CLPB: variants seen among roughly 807,000 people sequenced by gnomAD.
CLPB encodes the protein mitochondrial disaggregase.
Under a neutral mutation model 78.4 loss-of-function variants are expected in CLPB, and 40 were observed. The observed-to-expected ratio is 0.51, with a 90% CI of 0.40 to 0.66. CLPB has a LOEUF of 0.66. CLPB is among the 30% of genes least tolerant of loss of function. The probability of loss-of-function intolerance (pLI) is 0.00; values close to 1 mark genes in which losing one functional copy is unlikely to be tolerated. For missense variants in CLPB, 780 were observed against 886.9 expected (o/e 0.88, Z 1.53); for synonymous variants, 333 against 348.0 (o/e 0.96, Z 0.48).
At chr11:72,337,009 T>C in intron 5 of CLPB, 1 of 399,076 alleles carries the variant, frequency 2.5e-6, no homozygotes, top group Non-Finnish European at 4.4e-6. Context: ...TTACTCCTTT[T>C]CCTGGCCCTC....
chr11:72,320,713 T>TTA (rs935404768), intron 6 of CLPB, among the ~76,000 whole-genome samples: 6 of 152,080 alleles, frequency 3.9e-5, no homozygotes, highest in African/African-American at 9.6e-5. Context: ...TTCTTTTATT[T>TTA]TATATATATA....
chr11:72,428,387 G>A (rs575859515), intron 2 of CLPB, among the ~76,000 whole-genome samples: 2 of 152,314 alleles, frequency 1.3e-5, no homozygotes, highest in East Asian at 3.9e-4. Flanking sequence ...ACTGTGTACA[G>A]AGTAAGAGTT....
intron 2 of CLPB, among the ~76,000 whole-genome samples, chr11:72,425,456 A>C (rs1282141551): frequency 6.6e-6 from 1 of 152,142 alleles, no homozygotes; most frequent in African/African-American, 2.4e-5. Context: ...GAAGGTAGGT[A>C]ATTTGTTCCT....
At chr11:72,305,620 G>A (rs1199695721) in intron 9 of CLPB, among the ~76,000 whole-genome samples, 2 of 152,222 alleles carry the variant, frequency 1.3e-5, no homozygotes, top group Non-Finnish European at 2.9e-5. Flanking sequence ...TTGCTCCAGA[G>A]CTCTGTCCAC....
intron 9 of CLPB, chr11:72,302,724 T>G (rs1949680835): frequency 3.6e-6 from 1 of 279,590 alleles, no homozygotes; most frequent in Admixed American, 4.4e-5. Context: ...AGGGAACAAG[T>G]CTTGGTCTCT....
rs1236377175 is a variant in CLPB, at chr11:72,287,745, G to A, written c.*5622C>T. ...ACTGGCCTATTCAAACTATTTCTAG[G>A]ATCAGTGTTTGCTGGGAAATTATCC... On this transcript the variant is annotated 3_prime_UTR_variant, in exon 16 of 16. Transcript: ENST00000538039. 6.6e-6 allele frequency: 1 copy of A among 152,116 alleles called. No individual in the cohort carries two copies. Among genetic ancestry groups the A allele is most frequent in the Non-Finnish European group, 1.5e-5 (1 of 68,016 alleles). The allele number at this position is 152,116 out of a possible 1,614,324, so 9.4% of individuals were successfully genotyped here.
rs150396090 is a variant in CLPB, at chr11:72,335,403, G to A, written c.776-5599C>T. Reference sequence around the variant, plus strand: ...CTACATCTCAAACGGGTGGTCACTCGGGCTCCTCTGAATGTCCCCAGTACC... The same window carrying A: ...CTACATCTCAAACGGGTGGTCACTCAGGCTCCTCTGAATGTCCCCAGTACC... On this transcript the variant is annotated intron_variant, in intron 5 of 15. Coordinates refer to ENST00000538039, the MANE Select transcript of CLPB (RefSeq NM_001258392.3). Among the ~76,000 whole-genome samples the A allele has an allele frequency of 1.0e-3, 157 of 152,222 alleles. 1 individual carries two copies. Among genetic ancestry groups the A allele is most frequent in the African/African-American group, 3.6e-3 (151 of 41,544 alleles).
rs553790304 is a variant in CLPB at position 72,295,258 on chromosome 11, C to T, written c.1486+234G>A. ...CTGGTGTAGCTCTGTCCATTCCTGC[C>T]TGGAGCCCTCTTATCACCCAACAGA... On this transcript the variant is annotated intron_variant, in intron 12 of 15. Coordinates refer to ENST00000538039, the MANE Select transcript of CLPB (RefSeq NM_001258392.3). 8.5e-5 allele frequency among the ~76,000 whole-genome samples: 13 copies of T among 152,354 alleles called. No individual in the cohort carries two copies. In the East Asian group the frequency reaches 1.5e-3, roughly 18 times the overall value.
chr11:72,405,471 C>T (rs889052955), intron 2 of CLPB, among the ~76,000 whole-genome samples: 5 of 152,112 alleles, frequency 3.3e-5, no homozygotes, highest in East Asian at 1.9e-4. Context: ...ATCAGGTGTT[C>T]GCAGCCCCCA....
chr11:72,286,986 A>G lies in CLPB; in HGVS notation c.*6381T>C, dbSNP rs1277124273. On this transcript the variant is annotated 3_prime_UTR_variant, in exon 16 of 16. Coordinates refer to ENST00000538039, the MANE Select transcript of CLPB (RefSeq NM_001258392.3). ...ACACTAGCACTCTCTAGACATTTAA[A>G]TAACATTTAAGTTCTTGATGTAATA... 1 of 152,230 alleles carries G rather than the reference A, an allele frequency of 6.6e-6. No individual in the cohort carries two copies. Among genetic ancestry groups the G allele is most frequent in the Non-Finnish European group, 1.5e-5 (1 of 68,048 alleles). 9.4% of individuals were successfully genotyped at this position (152,230 alleles called of 1,614,324 possible).
At chr11:72,422,223 GCCACTGCACT>G (rs201316505) in intron 2 of CLPB, among the ~76,000 whole-genome samples, 4,252 of 134,740 alleles carry the variant, frequency 0.032, 99 homozygotes, top group Non-Finnish European at 0.041. Context: ...TCGAGATTGT[GCCACTGCACT>G]CCAGCCTGGG....
intron 5 of CLPB, among the ~76,000 whole-genome samples, chr11:72,330,489 C>CT (rs1344342975): frequency 6.6e-6 from 1 of 152,214 alleles, no homozygotes; most frequent in African/African-American, 2.4e-5. Context: ...TACCTTCTCT[C>CT]TAAGTACTGG....
chr11:72,370,388 A>C (rs773998994), intron 4 of CLPB, among the ~76,000 whole-genome samples: 53 of 152,200 alleles, frequency 3.5e-4, no homozygotes, highest in Non-Finnish European at 6.8e-4. Context: ...TGATTCATTT[A>C]ATCATGCAGT....
chr11:72,365,877 C>T (rs1256043743), intron 4 of CLPB, among the ~76,000 whole-genome samples: 1 of 152,178 alleles, frequency 6.6e-6, no homozygotes, highest in East Asian at 1.9e-4. Flanking sequence ...GAAGCTGGAC[C>T]TCTACCTCTC....
chr11:72,339,334 T>C lies in CLPB; in HGVS notation c.776-9530A>G, dbSNP rs2135567319. On this transcript the variant is annotated intron_variant, in intron 5 of 15. Coordinates refer to ENST00000538039, the MANE Select transcript of CLPB (RefSeq NM_001258392.3). ...ACCTGAGAAAAATAGTTTAAGGAAG[T>C]AGAGGGTTTAGGCTGGACATTTTCA... Among the ~76,000 whole-genome samples the C allele has an allele frequency of 2.0e-5, 3 of 152,238 alleles. 1 individual carries two copies. In the Middle Eastern group the frequency reaches 0.01, roughly 518 times the overall value.
In CLPB at chr11:72,321,561, G is replaced by T. The variant is rs941224113; in HGVS notation, c.874-4341C>A. On this transcript the variant is annotated intron_variant, in intron 6 of 15. Coordinates refer to ENST00000538039, the MANE Select transcript of CLPB (RefSeq NM_001258392.3). Reference sequence around the variant, plus strand: ...GGCTCGCTTTGCTTAGAGGTGGGTGGCTGGGCTGAGTGGCTCTGCGGGGGA... The same window carrying T: ...GGCTCGCTTTGCTTAGAGGTGGGTGTCTGGGCTGAGTGGCTCTGCGGGGGA... 2.6e-5 allele frequency among the ~76,000 whole-genome samples: 4 copies of T among 152,240 alleles called. No homozygotes were observed. In the East Asian group the frequency reaches 7.7e-4, roughly 29 times the overall value.
chr11:72,358,975 C>T lies in CLPB; in HGVS notation c.680G>A (p.Arg227Lys). The T allele has an allele frequency of 6.2e-7, 1 of 1,613,684 alleles. No homozygotes were observed. The highest frequency in any genetic ancestry group is 8.5e-7 in the Non-Finnish European group (1 of 1,179,974). ...LITREDDFNN[R>K]LNNRASFKGC... ...CTTGAAACTGGCGCGGTTGTTCAGC[C>T]TGTTGTTGAAGTCATCCTCTCGGGT... The change falls in exon 5 of 16, where the codon AGG becomes AAG. Residue 227 changes from arginine to lysine, a missense_variant. Arg to Lys is a conservative substitution (Grantham distance 26). Around this residue, in one of 3 missense-constraint regions of CLPB, gnomAD observed 417 missense variants for 414.7 expected, o/e 1.01. Transcript: ENST00000538039.
chr11:72,387,076 A>G (rs1169177330), intron 3 of CLPB, among the ~76,000 whole-genome samples: 1 of 152,232 alleles, frequency 6.6e-6, no homozygotes. Context: ...TGATCAGAGC[A>G]TCAGAATGAA....
chr11:72,301,464 G>A (rs1269831313), intron 11 of CLPB, among the ~76,000 whole-genome samples: 2 of 152,212 alleles, frequency 1.3e-5, no homozygotes, highest in African/African-American at 2.4e-5. Context: ...GAGATGGGCA[G>A]TGACTTGCCA....
Sources: allele counts gnomAD v4.1 joint callset (sites outside exome capture counted in the v4.1 genomes callset), GRCh38; gene constraint gnomAD v4.1.1; regional missense constraint gnomAD v4.1.1; transcripts MANE v1.5; gene names NCBI Gene and HGNC (gene_info 2026-07-23, HGNC 2026-07-21).